APC: variants seen among roughly 807,000 people sequenced by gnomAD.
The protein encoded by APC is APC regulator of Wnt signaling pathway.
A neutral mutation model predicts 247.0 loss-of-function variants in APC; 72 were observed. That is an observed-to-expected ratio of 0.29 (90% CI 0.24 to 0.35). The LOEUF (loss-of-function observed/expected upper bound fraction) is 0.35, where lower values mean the gene tolerates loss of function less well. Ranked by LOEUF, APC falls within the 10% of genes least tolerant of loss-of-function variation. The probability of loss-of-function intolerance (pLI) is 1.00; values close to 1 mark genes in which losing one functional copy is unlikely to be tolerated. For synonymous variants in APC, 1,254 were observed against 1,162.5 expected (o/e 1.08, Z -1.60); for missense variants, 3,400 against 3,360.7 (o/e 1.01, Z -0.29).
In APC at chr5:112,780,770, TTTA is replaced by T. The variant is rs765893314; in HGVS notation, c.532-14_532-12del. ...CGTAAATACAAGATATTGATACTTT[TTTA>T]TTATTTGTGGTTTTAGTTTTCCTTA... On this transcript the variant is annotated splice_polypyrimidine_tract_variant and intron_variant, in intron 5 of 15. Coordinates refer to ENST00000257430, the MANE Select transcript of APC (RefSeq NM_000038.6). 6.5e-7 allele frequency: 1 copy of T among 1,531,596 alleles called. No homozygotes were observed. The highest frequency in any genetic ancestry group is 9.0e-7 in the Non-Finnish European group (1 of 1,108,480). The allele number at this position is 1,531,596 out of a possible 1,614,324, so 94.9% of individuals were successfully genotyped here. A position where few individuals can be genotyped will look rare whatever the true frequency, so the allele number is the denominator to read the frequency against.
intron 2 of APC, among the ~76,000 whole-genome samples, chr5:112,761,856 A>G (rs1046660652): frequency 4.6e-5 from 7 of 152,212 alleles, no homozygotes; most frequent in Non-Finnish European, 1.0e-4. Context: ...TAGGACACAC[A>G]AAAGACTAAA....
intron 1 of APC, among the ~76,000 whole-genome samples, chr5:112,740,463 CATAA>C (rs1458903136): frequency 6.7e-6 from 1 of 149,330 alleles, no homozygotes; most frequent in African/African-American, 2.5e-5. Flanking sequence ...ATTAAATATT[CATAA>C]ATGTTTTATG....
chr5:112,761,770 C>G (rs1488401200), intron 2 of APC, among the ~76,000 whole-genome samples: 2 of 152,106 alleles, frequency 1.3e-5, no homozygotes, highest in Non-Finnish European at 2.9e-5. Context: ...TCTTGTTCAT[C>G]AAAAGACTCG....
intron 8 of APC, among the ~76,000 whole-genome samples, chr5:112,805,603 G>A (rs1013264811): frequency 6.6e-6 from 1 of 152,200 alleles, no homozygotes; most frequent in Non-Finnish European, 1.5e-5. Flanking sequence ...TGTGTGACCT[G>A]TATCTGTGGG....
chr5:112,816,248 T>G (rs1021865641), intron 9 of APC, among the ~76,000 whole-genome samples: 12 of 152,236 alleles, frequency 7.9e-5, no homozygotes, highest in African/African-American at 2.7e-4. Flanking sequence ...TACCTCCCCA[T>G]GTGATCCATC....
Position 112,838,234 on chromosome 5 carries a change from C to G in APC, c.2640C>G (p.Ile880Met), listed in dbSNP as rs200184105. 1.2e-6 allele frequency: 2 copies of G among 1,614,190 alleles called. No individual in the cohort carries two copies. The highest frequency in any genetic ancestry group is 1.7e-5 in the Admixed American group (1 of 60,022). The part of the protein sequence containing the change: ...PGTSSKRGLQ[I>M]STTAAQIAKV... ...CTTCTTCAAAGCGAGGTTTGCAGATCTCCACCACTGCAGCCCAGATTGCCA... is the reference window on the plus strand; with the variant it reads ...CTTCTTCAAAGCGAGGTTTGCAGATGTCCACCACTGCAGCCCAGATTGCCA... The change falls in exon 16 of 16, where the codon ATC (isoleucine) becomes ATG (methionine). Residue 880 changes from isoleucine to methionine, a missense_variant. By Grantham distance (10) the Ile-to-Met change is conservative. Around this residue, in one of 9 missense-constraint regions of APC, gnomAD observed 715 missense variants for 656.6 expected, o/e 1.09. Transcript: ENST00000257430.
At chr5:112,745,717 G>A (rs867543339) in intron 1 of APC, among the ~76,000 whole-genome samples, 19 of 151,826 alleles carry the variant, frequency 1.3e-4, no homozygotes, top group African/African-American at 4.6e-4. Flanking sequence ...ACAGGCGGGT[G>A]CCACCACGCC....
intron 1 of APC, among the ~76,000 whole-genome samples, chr5:112,752,921 C>A (rs1364324214): frequency 6.6e-6 from 1 of 151,928 alleles, no homozygotes; most frequent in Non-Finnish European, 1.5e-5. Flanking sequence ...TTTTTTTATT[C>A]CTGTAATAAA....
Position 112,841,689 on chromosome 5 carries a change from T to C in APC, c.6095T>C (p.Ile2032Thr), listed in dbSNP as rs1766133117. ...SRNSSLSSLS[I>T]DSEDDLLQEC... ...AACAGTTCTCTCAGTTCTCTTAGTA[T>C]TGACTCTGAAGATGACCTGTTGCAG... is the stretch of plus-strand genomic sequence containing the variant. Residue 2032 changes from isoleucine (I) to threonine (T), a missense_variant, in exon 16 of 16, where the codon ATT becomes ACT. By Grantham distance (89) the Ile-to-Thr change is moderately conservative (BLOSUM62 -1). Coordinates refer to ENST00000257430, the MANE Select transcript of APC (RefSeq NM_000038.6). The surrounding 1 kb of genome is among the most constrained non-coding windows in gnomAD (Gnocchi z 4.6). 6.2e-7 allele frequency: 1 copy of C among 1,613,956 alleles called. No individual in the cohort carries two copies.
At chr5:112,708,319 A>G (rs1171076683) in intron 1 of APC, among the ~76,000 whole-genome samples, 1 of 152,234 alleles carries the variant, frequency 6.6e-6, no homozygotes, top group Non-Finnish European at 1.5e-5. Flanking sequence ...GCTGTTATCC[A>G]AAGGCCGGTG....
rs1766983816 is a variant in APC at position 112,846,207 on chromosome 5, C to T, written c.*2081C>T. 4.3e-6 allele frequency: 1 copy of T among 230,544 alleles called. No homozygotes were observed. Among genetic ancestry groups the T allele is most frequent in the Admixed American group, 5.7e-5 (1 of 17,672 alleles). 14.3% of individuals were successfully genotyped at this position (230,544 alleles called of 1,614,324 possible). ...GAATACCATCTACTTCTGTTGTTTTCCCAGGCTTCCATAAACAATGGAGAT... is the reference window on the plus strand; with the variant it reads ...GAATACCATCTACTTCTGTTGTTTTTCCAGGCTTCCATAAACAATGGAGAT... On this transcript the variant is annotated 3_prime_UTR_variant, in exon 16 of 16. Transcript: ENST00000257430.
intron 1 of APC, among the ~76,000 whole-genome samples, chr5:112,751,513 C>G (rs971283655): frequency 2.6e-5 from 4 of 151,848 alleles, no homozygotes; most frequent in African/African-American, 9.7e-5. Context: ...ACTTTTCTAT[C>G]TTTCTCATAT....
intron 1 of APC, among the ~76,000 whole-genome samples, chr5:112,748,082 C>T (rs1036717887): frequency 3.9e-5 from 6 of 152,164 alleles, no homozygotes; most frequent in African/African-American, 1.4e-4. Flanking sequence ...ATTATCTGGC[C>T]CTTACAGAAA....
chr5:112,774,700 C>A (rs941493098), intron 4 of APC, among the ~76,000 whole-genome samples: 1 of 151,932 alleles, frequency 6.6e-6, no homozygotes, highest in Non-Finnish European at 1.5e-5. Flanking sequence ...TGGTATTGAA[C>A]TCCTGAGCTC....
At chr5:112,806,342 T>C (rs1239847171) in intron 8 of APC, among the ~76,000 whole-genome samples, 1 of 152,174 alleles carries the variant, frequency 6.6e-6, no homozygotes, top group African/African-American at 2.4e-5. Context: ...TTTGTTATTT[T>C]CATACCCACA....
At chr5:112,796,334 A>C (rs1760210742) in intron 7 of APC, among the ~76,000 whole-genome samples, 3 of 152,202 alleles carry the variant, frequency 2.0e-5, no homozygotes, top group Admixed American at 2.0e-4. Flanking sequence ...CTTCCCCAAA[A>C]ACTCAGCTGA....
At chr5:112,773,961 A>T (rs1757324239) in intron 4 of APC, among the ~76,000 whole-genome samples, 1 of 152,218 alleles carries the variant, frequency 6.6e-6, no homozygotes, top group Admixed American at 6.5e-5. Context: ...TAAACACTTA[A>T]ATTGGTGATG....
intron 12 of APC, among the ~76,000 whole-genome samples, chr5:112,827,486 AC>A (rs1763823125): frequency 6.6e-6 from 1 of 152,236 alleles, no homozygotes; most frequent in African/African-American, 2.4e-5. Context: ...CATTAAAAAC[AC>A]CATTCATAAG....
Position 112,844,708 on chromosome 5 carries a change from CATG to C in APC, c.*586_*588del, listed in dbSNP as rs1375912892. 4.3e-6 allele frequency: 1 copy of C among 232,308 alleles called. No homozygotes were observed. The highest frequency in any genetic ancestry group is 8.5e-6 in the Non-Finnish European group (1 of 117,524). 14.4% of individuals were successfully genotyped at this position (232,308 alleles called of 1,614,324 possible). ...GTAATGATTAACAGTTATGTGGTCACATGATGTGCATAGAGATAGCTACAGTGT... is the reference window on the plus strand; with the variant it reads ...GTAATGATTAACAGTTATGTGGTCACATGTGCATAGAGATAGCTACAGTGT... On this transcript the variant is annotated 3_prime_UTR_variant, in exon 16 of 16. Transcript: ENST00000257430.
Sources: gnomAD v4.1 joint callset for allele counts (sites outside exome capture counted in the v4.1 genomes callset) on GRCh38, gnomAD v4.1.1 for gene constraint, gnomAD v4.1.1 regional missense constraint, Gnocchi (gnomAD v3.1) non-coding constraint, MANE v1.5 for transcripts, NCBI Gene and HGNC (gene_info 2026-07-23, HGNC 2026-07-21) for gene names.